Variants in PRORP observed in about 807,000 individuals in gnomAD.
The protein encoded by PRORP is protein only RNase P catalytic subunit, also known as mitochondrial ribonuclease P catalytic subunit.
PRORP carries 51 observed loss-of-function variants against 59.4 expected under a neutral mutation model. That is an observed-to-expected ratio of 0.86 (90% confidence interval 0.69 to 1.08). The LOEUF (loss-of-function observed/expected upper bound fraction) is 1.08, where lower values mean the gene tolerates loss of function less well. PRORP is among the 50% of genes least tolerant of loss of function. The pLI, the probability that PRORP is intolerant of heterozygous loss-of-function variation, is 0.00. For missense variants in PRORP, 646 were observed against 690.3 expected (o/e 0.94, Z 0.72); for synonymous variants, 231 against 245.6 (o/e 0.94, Z 0.55).
intron 5 of PRORP, among the ~76,000 whole-genome samples, chr14:35,246,596 C>G (rs2050491445): frequency 6.6e-6 from 1 of 152,130 alleles, no homozygotes; most frequent in South Asian, 2.1e-4. Context: ...TTTCCAGCTT[C>G]CAAAATCTTG....
At chr14:35,183,221 T>TACACACAC (rs57325498) in intron 5 of PRORP, among the ~76,000 whole-genome samples, 2 of 150,550 alleles carry the variant, frequency 1.3e-5, no homozygotes, top group Admixed American at 6.6e-5. Context: ...CATACATACA[T>TACACACAC]ACACACACAC....
intron 5 of PRORP, among the ~76,000 whole-genome samples, chr14:35,189,108 T>C (rs1449023904): frequency 5.3e-5 from 8 of 152,156 alleles, no homozygotes; most frequent in Non-Finnish European, 1.5e-5. Context: ...TAATTTAGAA[T>C]ATAGTGAGAT....
At chr14:35,234,084 A>G (rs1595356436) in intron 5 of PRORP, among the ~76,000 whole-genome samples, 1 of 152,338 alleles carries the variant, frequency 6.6e-6, no homozygotes, top group East Asian at 1.9e-4. Flanking sequence ...GAATTTGTCT[A>G]AGAAATCATG....
intron 5 of PRORP, among the ~76,000 whole-genome samples, chr14:35,224,816 A>T (rs2138462341): frequency 6.6e-6 from 1 of 152,112 alleles, no homozygotes; most frequent in East Asian, 1.9e-4. Context: ...CTGGCCTCCC[A>T]CCTATTTCCT....
At position 35,275,519 on chromosome 14, in the gene PRORP, C is replaced by T. The variant is rs750865611; in HGVS notation, c.*1953C>T. The T allele has an allele frequency of 6.6e-6, 1 of 152,160 alleles. No individual in the cohort carries two copies. The highest frequency in any genetic ancestry group is 2.1e-4 in the South Asian group (1 of 4,830). 9.4% of individuals were successfully genotyped at this position (152,160 alleles called of 1,614,324 possible). A position where few individuals can be genotyped will look rare whatever the true frequency, so the allele number is the denominator to read the frequency against. The stretch of plus-strand genomic sequence containing the variant: ...CTTATTTTCCAAATTTCATAAACTA[C>T]ATACTTAGGAAACTGTGCTTTCAGT... On this transcript the variant is annotated 3_prime_UTR_variant, in exon 8 of 8. Transcript: ENST00000534898.
intron 5 of PRORP, among the ~76,000 whole-genome samples, chr14:35,234,676 C>CTTT (rs398056986): frequency 2.2e-4 from 28 of 130,122 alleles, no homozygotes; most frequent in Admixed American, 8.8e-4. Flanking sequence ...ACTGTTGTTC[C>CTTT]TTTTTTTTTT....
intron 5 of PRORP, among the ~76,000 whole-genome samples, chr14:35,252,446 CA>C (rs1256614163): frequency 6.6e-6 from 1 of 152,052 alleles, no homozygotes; most frequent in Non-Finnish European, 1.5e-5. Flanking sequence ...AACAAACAAA[CA>C]AAAAAACAAA....
At position 35,179,405 on chromosome 14, in the gene PRORP, A is replaced by G. The variant is rs190995040; in HGVS notation, c.1168-1265A>G. On this transcript the variant is annotated intron_variant, in intron 4 of 7. Transcript: ENST00000534898. ...AGACATAGATTTGGTCTTTTCATAT[A>G]GTCCCATATTTCTTGGAGGCTTTGT... Among the ~76,000 whole-genome samples, 26 of 152,262 alleles carry G rather than the reference A, an allele frequency of 1.7e-4. 1 individual carries two copies. The East Asian group carries it at 4.6e-3, about 27-fold the overall frequency.
At chr14:35,157,487 T>C (rs1265674443) in intron 4 of PRORP, among the ~76,000 whole-genome samples, 1 of 152,224 alleles carries the variant, frequency 6.6e-6, no homozygotes, top group Non-Finnish European at 1.5e-5. Flanking sequence ...TCATTGTTCC[T>C]GTAAACTATG....
At chr14:35,213,070 T>G (rs747068209) in intron 5 of PRORP, among the ~76,000 whole-genome samples, 4 of 152,318 alleles carry the variant, frequency 2.6e-5, no homozygotes, top group Non-Finnish European at 4.4e-5. Flanking sequence ...ACTTCCAGCT[T>G]TTCTTCTGCA....
Position 35,216,554 on chromosome 14 carries a change from G to A in PRORP, c.1275+35777G>A, listed in dbSNP as rs1208647336. Among the ~76,000 whole-genome samples the A allele has an allele frequency of 3.9e-5, 6 of 152,104 alleles. No individual in the cohort carries two copies. The East Asian group carries it at 1.2e-3, about 29-fold the overall frequency. ...TCACATTTTATTTATCCATTCATCA[G>A]TTGAGTTGTTCCTACTTTTTGGCTA... On this transcript the variant is annotated intron_variant, in intron 5 of 7. Coordinates refer to ENST00000534898, the MANE Select transcript of PRORP (RefSeq NM_014672.4).
intron 5 of PRORP, among the ~76,000 whole-genome samples, chr14:35,195,889 A>G (rs967988579): frequency 6.6e-6 from 1 of 152,186 alleles, no homozygotes; most frequent in Non-Finnish European, 1.5e-5. Context: ...TTACTTTAGT[A>G]TTATAATAGT....
chr14:35,187,148 T>C (rs1398802807), intron 5 of PRORP, among the ~76,000 whole-genome samples: 1 of 152,240 alleles, frequency 6.6e-6, no homozygotes, highest in Admixed American at 6.5e-5. Flanking sequence ...TGTGGACATA[T>C]GTTTTCATTT....
At chr14:35,210,403 C>T (rs932253424) in intron 5 of PRORP, among the ~76,000 whole-genome samples, 8 of 152,072 alleles carry the variant, frequency 5.3e-5, no homozygotes, top group African/African-American at 1.9e-4. Context: ...GAATGAGGTA[C>T]AAAGTCATAT....
intron 4 of PRORP, among the ~76,000 whole-genome samples, chr14:35,153,370 G>A (rs2047829633): frequency 2.0e-5 from 3 of 150,270 alleles, no homozygotes; most frequent in African/African-American, 7.4e-5. Context: ...CGCATCAGAG[G>A]GAGACGGTGG....
chr14:35,245,534 A>G (rs1183986021), intron 5 of PRORP, among the ~76,000 whole-genome samples: 1 of 152,148 alleles, frequency 6.6e-6, no homozygotes. Flanking sequence ...AATCCCAGCT[A>G]CTTGGGGGGC....
intron 5 of PRORP, among the ~76,000 whole-genome samples, chr14:35,256,928 A>G (rs1266489571): frequency 1.4e-5 from 2 of 148,070 alleles, no homozygotes; most frequent in East Asian, 4.1e-4. Context: ...GCTAGAGTAT[A>G]GTGGCACCAT....
chr14:35,262,887 T>C (rs1180170936), intron 5 of PRORP: 43 of 1,555,436 alleles, frequency 2.8e-5, no homozygotes, highest in Non-Finnish European at 3.7e-5. Context: ...GAAAGATGAA[T>C]TAATCCTTGA....
chr14:35,140,883 A>G (rs994872151), intron 4 of PRORP, among the ~76,000 whole-genome samples: 1 of 146,300 alleles, frequency 6.8e-6, no homozygotes, highest in African/African-American at 2.4e-5. Flanking sequence ...ACATTTGTTT[A>G]CTGTAATTAG....
Sources: gnomAD v4.1 joint callset for allele counts (sites outside exome capture counted in the v4.1 genomes callset) on GRCh38, gnomAD v4.1.1 for gene constraint, MANE v1.5 for transcripts, NCBI Gene and HGNC (gene_info 2026-07-23, HGNC 2026-07-21) for gene names.